The following PCDH15 variants were observed in gnomAD, a reference collection of about 807,000 sequenced individuals.
PCDH15 encodes the protein protocadherin-15.
In PCDH15, 129 loss-of-function variants were observed where a neutral mutation model predicts 178.5. That is an observed-to-expected ratio of 0.72 (90% CI 0.63 to 0.84). The LOEUF (loss-of-function observed/expected upper bound fraction) is 0.84. PCDH15 is among the 40% of genes least tolerant of loss of function. The probability of loss-of-function intolerance (pLI) is 0.00; values close to 1 mark genes in which losing one functional copy is unlikely to be tolerated. For synonymous variants in PCDH15, 800 were observed against 732.0 expected (o/e 1.09, Z -1.50); for missense variants, 2,230 against 2,099.9 (o/e 1.06, Z -1.21).
At chr10:54,832,449 T>C (rs941499060) in intron 3 of PCDH15, among the ~76,000 whole-genome samples, 3 of 152,226 alleles carry the variant, frequency 2.0e-5, no homozygotes, top group East Asian at 1.9e-4. Context: ...AAACACTAGA[T>C]GTAGTAAACA....
chr10:55,537,175 T>G (rs1054238531), intron 2 of PCDH15, among the ~76,000 whole-genome samples: 2 of 152,096 alleles, frequency 1.3e-5, no homozygotes, highest in Admixed American at 6.6e-5. Context: ...AATGTAAGAC[T>G]AGAAAATAAA....
intron 1 of PCDH15, among the ~76,000 whole-genome samples, chr10:54,721,344 A>G (rs1236008386): frequency 6.6e-6 from 1 of 151,812 alleles, no homozygotes; most frequent in African/African-American, 2.4e-5. Flanking sequence ...GACAAACCAG[A>G]CCCAAATCTA....
chr10:54,352,695 C>G, intron 5 of PCDH15, among the ~76,000 whole-genome samples: 1 of 152,118 alleles, frequency 6.6e-6, no homozygotes, highest in Admixed American at 6.6e-5. Flanking sequence ...TGTTAAAACA[C>G]TACACATTTA....
intron 18 of PCDH15, among the ~76,000 whole-genome samples, chr10:54,055,689 C>T (rs534356615): frequency 6.6e-6 from 1 of 152,268 alleles, no homozygotes; most frequent in South Asian, 2.1e-4. Flanking sequence ...CTCCATCCAC[C>T]CATGTCTCAC....
intron 2 of PCDH15, among the ~76,000 whole-genome samples, chr10:55,076,151 A>T (rs2132019518): frequency 6.6e-6 from 1 of 152,304 alleles, no homozygotes; most frequent in East Asian, 1.9e-4. Flanking sequence ...GTAATCTAAC[A>T]TATGGCCTAT....
rs1564989348 is a variant in PCDH15, at chr10:54,332,312, A to AATATAATCTATATTATATATTATTAT, written c.595-2607_595-2606insATAATAATATATAATATAGATTATAT. 6.3e-4 allele frequency among the ~76,000 whole-genome samples: 49 copies of AATATAATCTATATTATATATTATTAT among 78,314 alleles called. 2 individuals are homozygous for AATATAATCTATATTATATATTATTAT. Among genetic ancestry groups the AATATAATCTATATTATATATTATTAT allele is most frequent in the African/African-American group, 9.2e-4 (19 of 20,628 alleles). The allele number at this position is 78,314 out of a possible 152,430, so 51.4% of individuals were successfully genotyped here. The stretch of plus-strand genomic sequence containing the variant: ...ATCTATATTACATATTATTATATAT[A>AATATAATCTATATTATATATTATTAT]ATATAATATAATCTATATTATATAT... On this transcript the variant is annotated intron_variant, in intron 6 of 37. Transcript: ENST00000644397.
chr10:55,100,753 A>T (rs1842558171), intron 2 of PCDH15, among the ~76,000 whole-genome samples: 1 of 152,220 alleles, frequency 6.6e-6, no homozygotes, highest in Admixed American at 6.5e-5. Flanking sequence ...AACCTCCATG[A>T]CCCAAACACC....
At position 55,337,063 on chromosome 10, in the gene PCDH15, T is replaced by C. The variant is rs140175912; in HGVS notation, c.-155-170412A>G. Among the ~76,000 whole-genome samples, 340 of 152,270 alleles carry C rather than the reference T, an allele frequency of 2.2e-3. 3 individuals are homozygous for C. The highest frequency in any genetic ancestry group is 7.6e-3 in the African/African-American group (317 of 41,550). ...GTGTCAAATACCCACGAGTGCATAA[T>C]TGTTTCCAGTTGAGGATCTCAGAAA... On this transcript the variant is annotated intron_variant, in intron 2 of 5. Coordinates refer to the PCDH15 transcript ENST00000613346.
chr10:53,974,414 A>C (rs552887432), intron 21 of PCDH15, among the ~76,000 whole-genome samples: 1 of 152,286 alleles, frequency 6.6e-6, no homozygotes, highest in Admixed American at 6.5e-5. Context: ...CAACTAAGTA[A>C]TAATATACTT....
chr10:55,053,527 A>T (rs77774693), intron 2 of PCDH15, among the ~76,000 whole-genome samples: 111 of 152,350 alleles, frequency 7.3e-4, no homozygotes, highest in African/African-American at 2.5e-3. Context: ...AATCACATGC[A>T]TGTATATTCA....
At chr10:53,960,890 A>C (rs2134289147) in intron 22 of PCDH15, among the ~76,000 whole-genome samples, 1 of 152,332 alleles carries the variant, frequency 6.6e-6, no homozygotes, top group South Asian at 2.1e-4. Flanking sequence ...CTAAGTAACT[A>C]TTAAAAATGG....
chr10:55,045,257 G>A (rs949941142), intron 2 of PCDH15, among the ~76,000 whole-genome samples: 11 of 152,008 alleles, frequency 7.2e-5, no homozygotes, highest in African/African-American at 1.4e-4. Flanking sequence ...CTTATAGAAC[G>A]TAGATGACTC....
intron 2 of PCDH15, among the ~76,000 whole-genome samples, chr10:54,541,379 A>G (rs1345382461): frequency 2.6e-5 from 4 of 152,186 alleles, no homozygotes; most frequent in Admixed American, 6.5e-5. Context: ...ATGACTTAAT[A>G]TATTTCAGTA....
At chr10:54,228,522 G>C (rs1188217923) in intron 9 of PCDH15, among the ~76,000 whole-genome samples, 18 of 152,154 alleles carry the variant, frequency 1.2e-4, no homozygotes, top group African/African-American at 3.9e-4. Flanking sequence ...TGAATGCTAA[G>C]AGCATCTACT....
intron 2 of PCDH15, among the ~76,000 whole-genome samples, chr10:54,974,868 G>A (rs1432105012): frequency 1.3e-5 from 2 of 152,222 alleles, no homozygotes; most frequent in African/African-American, 4.8e-5. Context: ...ATATTTATTT[G>A]GGTTTAAGGT....
In PCDH15 at chr10:54,717,197, T is replaced by C. The variant is rs1163513123; in HGVS notation, c.-28-52907A>G. 2.4e-5 allele frequency among the ~76,000 whole-genome samples: 3 copies of C among 126,364 alleles called. 1 individual carries two copies. The highest frequency in any genetic ancestry group is 1.6e-4 in the Admixed American group (2 of 12,280). The allele number at this position is 126,364 out of a possible 152,430, so 82.9% of individuals were successfully genotyped here. The stretch of plus-strand genomic sequence containing the variant: ...GGCATTACCATTCAGGACATAGGCA[T>C]GGGCAAGGACTTCATGTCCAAAACA... On this transcript the variant is annotated intron_variant, in intron 1 of 37. Coordinates refer to ENST00000644397, the MANE Select transcript of PCDH15 (RefSeq NM_001384140.1).
intron 2 of PCDH15, among the ~76,000 whole-genome samples, chr10:54,944,972 T>C (rs2131867546): frequency 6.6e-6 from 1 of 151,984 alleles, no homozygotes; most frequent in South Asian, 2.1e-4. Context: ...ACACTAGAAA[T>C]AGATAAGATC....
chr10:54,467,116 T>A (rs916127175), intron 3 of PCDH15, among the ~76,000 whole-genome samples: 1 of 151,996 alleles, frequency 6.6e-6, no homozygotes, highest in African/African-American at 2.4e-5. Context: ...AAAATTTAAC[T>A]TTTTCTTTTC....
intron 13 of PCDH15, among the ~76,000 whole-genome samples, chr10:54,182,802 T>A (rs2133791329): frequency 6.6e-6 from 1 of 152,258 alleles, no homozygotes; most frequent in South Asian, 2.1e-4. Context: ...TTTGAAGATT[T>A]AATATATTCA....
Sources: allele counts gnomAD v4.1 joint callset (sites outside exome capture counted in the v4.1 genomes callset), GRCh38; gene constraint gnomAD v4.1.1; transcripts MANE v1.5; gene names NCBI Gene and HGNC (gene_info 2026-07-23, HGNC 2026-07-21).